Variants in SUGCT observed in about 807,000 individuals in gnomAD.
SUGCT encodes succinyl-CoA:glutarate-CoA transferase.
SUGCT carries 41 observed loss-of-function variants against 55.0 expected under a neutral mutation model. That is an observed-to-expected ratio of 0.74 (90% CI 0.58 to 0.97). The LOEUF is 0.97. Ranked by LOEUF, SUGCT falls within the 50% of genes least tolerant of loss-of-function variation. The probability of loss-of-function intolerance (pLI) is 0.00; values close to 1 mark genes in which losing one functional copy is unlikely to be tolerated. For missense variants in SUGCT, 568 were observed against 547.8 expected (o/e 1.04, Z -0.37); for synonymous variants, 187 against 200.4 (o/e 0.93, Z 0.56).
At chr7:40,445,230 A>G (rs1392626340) in intron 9 of SUGCT, among the ~76,000 whole-genome samples, 2 of 152,206 alleles carry the variant, frequency 1.3e-5, no homozygotes, top group African/African-American at 2.4e-5. Flanking sequence ...GAAAAGATCA[A>G]CAAAATAGAT....
chr7:40,684,184 G>A (rs1784371468), intron 12 of SUGCT: 2 of 1,520,308 alleles, frequency 1.3e-6, no homozygotes, highest in Non-Finnish European at 8.8e-7. Context: ...GCCAGGAAAG[G>A]ATAATCCAGG....
At chr7:40,472,954 C>G (rs1435621990) in intron 11 of SUGCT, among the ~76,000 whole-genome samples, 2 of 152,070 alleles carry the variant, frequency 1.3e-5, no homozygotes, top group Admixed American at 6.6e-5. Flanking sequence ...CAATTGACTT[C>G]TTTTCAGTTG....
chr7:40,439,539 A>G (rs1019204614), intron 9 of SUGCT, among the ~76,000 whole-genome samples: 7 of 152,176 alleles, frequency 4.6e-5, no homozygotes, highest in Non-Finnish European at 7.4e-5. Flanking sequence ...GAGATGATAG[A>G]GAAAGTCACT....
the SUGCT span, among the ~76,000 whole-genome samples, chr7:41,005,333 T>C: frequency 6.6e-6 from 1 of 152,084 alleles, no homozygotes. Flanking sequence ...AAATTGAATG[T>C]TAATATTAGA....
chr7:40,608,916 G>A (rs955338546), intron 12 of SUGCT, among the ~76,000 whole-genome samples: 4 of 152,140 alleles, frequency 2.6e-5, no homozygotes, highest in South Asian at 2.1e-4. Flanking sequence ...GAACAGCTCC[G>A]AGTTGTAGTT....
At chr7:40,169,989 G>T (rs1453647255) in intron 1 of SUGCT, among the ~76,000 whole-genome samples, 1 of 151,860 alleles carries the variant, frequency 6.6e-6, no homozygotes, top group Non-Finnish European at 1.5e-5. Context: ...TCTCCAGAAA[G>T]GCAGTCTCTC....
the SUGCT span, among the ~76,000 whole-genome samples, chr7:40,929,168 G>A: frequency 6.6e-5 from 10 of 151,742 alleles, no homozygotes; most frequent in Admixed American, 5.9e-4. Context: ...GTGAGAACAT[G>A]CGGTGTTTGG....
chr7:40,822,602 G>C (rs923343801), intron 13 of SUGCT, among the ~76,000 whole-genome samples: 1 of 152,064 alleles, frequency 6.6e-6, no homozygotes, highest in East Asian at 1.9e-4. Context: ...CTTCACCCTA[G>C]TTATATTGTA....
chr7:40,640,243 A>G (rs73310231), intron 12 of SUGCT, among the ~76,000 whole-genome samples: 11,442 of 152,268 alleles, frequency 0.075, 479 homozygotes, highest in Middle Eastern at 0.11. Flanking sequence ...TTCCATAAGC[A>G]TGATATATGT....
chr7:40,433,337 C>CT (rs200117722), intron 9 of SUGCT, among the ~76,000 whole-genome samples: 16,250 of 141,604 alleles, frequency 0.11, 1,319 homozygotes, highest in East Asian at 0.49. Flanking sequence ...TTCTTTTTTT[C>CT]TTTTTTTTTT....
At chr7:40,624,037 G>A (rs542806076) in intron 12 of SUGCT, among the ~76,000 whole-genome samples, 6 of 152,276 alleles carry the variant, frequency 3.9e-5, no homozygotes, top group Admixed American at 3.3e-4. Context: ...AAATGGACAT[G>A]CGTTAAACAG....
chr7:41,024,505 A>AT, the SUGCT span, among the ~76,000 whole-genome samples: 1 of 152,160 alleles, frequency 6.6e-6, no homozygotes, highest in African/African-American at 2.4e-5. Context: ...AGCATACCCA[A>AT]TTTTTTAAAA....
In SUGCT at chr7:40,734,407, TTA is replaced by T. The variant is rs1263634762; in HGVS notation, c.1090-15025_1090-15024del. On this transcript the variant is annotated intron_variant, in intron 12 of 13. Coordinates refer to ENST00000335693, the MANE Select transcript of SUGCT (RefSeq NM_001193313.2). ...TAGACACCTTTTACCTTAACTTACA[TTA>T]TTACTCAAGTCATTTTACCTCCTCA... 2.0e-5 allele frequency among the ~76,000 whole-genome samples: 3 copies of T among 152,234 alleles called. No individual in the cohort carries two copies. In the East Asian group the frequency reaches 5.8e-4, roughly 29 times the overall value.
the SUGCT span, among the ~76,000 whole-genome samples, chr7:40,902,979 G>A: frequency 1.3e-5 from 2 of 151,838 alleles, no homozygotes; most frequent in South Asian, 4.2e-4. Context: ...ATTTCCCCAA[G>A]TTCAGATCTC....
chr7:40,416,985 G>T (rs1218797283), intron 9 of SUGCT, among the ~76,000 whole-genome samples: 1 of 151,892 alleles, frequency 6.6e-6, no homozygotes, highest in East Asian at 1.9e-4. Context: ...TTGGTAATTT[G>T]TATTTTTCTA....
rs144567585 is a variant in SUGCT at position 40,644,805 on chromosome 7, G to A, written c.1090-104629G>A. Among the ~76,000 whole-genome samples the A allele has an allele frequency of 2.0e-3, 297 of 152,200 alleles. 1 individual carries two copies. The highest frequency in any genetic ancestry group is 5.7e-3 in the African/African-American group (235 of 41,534). ...GGGCAGACCCTGTGTGATGCTTGCC[G>A]TCACCGAAACTTGCCCTCCTCAGAC... On this transcript the variant is annotated intron_variant, in intron 12 of 13. Transcript: ENST00000335693.
chr7:40,528,070 C>G (rs935038257), intron 12 of SUGCT, among the ~76,000 whole-genome samples: 32 of 152,136 alleles, frequency 2.1e-4, no homozygotes, highest in African/African-American at 7.0e-4. Flanking sequence ...GTTGAGAAAG[C>G]AGCTTAGCCT....
At chr7:40,645,429 G>C (rs143590628) in intron 12 of SUGCT, among the ~76,000 whole-genome samples, 9 of 152,248 alleles carry the variant, frequency 5.9e-5, no homozygotes, top group African/African-American at 2.2e-4. Context: ...AAACATATCA[G>C]GGCTTGCCTC....
At chr7:40,398,455 C>A (rs1392396779) in intron 9 of SUGCT, among the ~76,000 whole-genome samples, 1 of 151,382 alleles carries the variant, frequency 6.6e-6, no homozygotes, top group African/African-American at 2.4e-5. Flanking sequence ...ATCAGAAAGC[C>A]CCAGTAGGAT....
Sources: allele counts gnomAD v4.1 joint callset (sites outside exome capture counted in the v4.1 genomes callset), GRCh38; gene constraint gnomAD v4.1.1; transcripts MANE v1.5; gene names NCBI Gene and HGNC (gene_info 2026-07-23, HGNC 2026-07-21).